The following RAB28 variants were observed in gnomAD, a reference collection of about 807,000 sequenced individuals.
The protein encoded by RAB28 is ras-related protein Rab-28.
Under a neutral mutation model 31.7 loss-of-function variants are expected in RAB28, and 24 were observed. The ratio of observed to expected loss-of-function variants is 0.76; its 90% CI spans 0.55 to 1.06. The LOEUF (loss-of-function observed/expected upper bound fraction) is 1.06, where lower values mean the gene tolerates loss of function less well. RAB28 is among the 50% of genes least tolerant of loss of function. The pLI, the probability that RAB28 is intolerant of heterozygous loss-of-function variation, is 0.00. For synonymous variants in RAB28, 100 were observed against 90.4 expected (o/e 1.11, Z -0.60); for missense variants, 254 against 258.5 (o/e 0.98, Z 0.12).
chr4:13,454,640 G>GA (rs1281921002), intron 4 of RAB28, among the ~76,000 whole-genome samples: 3 of 151,910 alleles, frequency 2.0e-5, no homozygotes, highest in Non-Finnish European at 4.4e-5. Context: ...CCAAGGCTGA[G>GA]AGAGTATGTG....
intron 4 of RAB28, among the ~76,000 whole-genome samples, chr4:13,414,406 G>C (rs994268793): frequency 2.0e-5 from 3 of 152,108 alleles, no homozygotes; most frequent in Non-Finnish European, 2.9e-5. Context: ...CAAACTGACT[G>C]GGAATAAAAG....
intron 1 of RAB28, 78 bp downstream of exon 1, chr4:13,483,998 C>A (rs1218604079): frequency 2.2e-6 from 3 of 1,381,946 alleles, no homozygotes; most frequent in South Asian, 1.3e-5. Context: ...AACGAGGCGA[C>A]GCCGGGCGGC....
intron 6 of RAB28, among the ~76,000 whole-genome samples, chr4:13,369,718 T>C (rs1396872356): frequency 6.6e-6 from 1 of 152,132 alleles, no homozygotes; most frequent in Non-Finnish European, 1.5e-5. Context: ...ACCAATTTTT[T>C]AGTTCTAAAT....
At chr4:13,435,620 C>G (rs1284477604) in intron 4 of RAB28, among the ~76,000 whole-genome samples, 1 of 152,052 alleles carries the variant, frequency 6.6e-6, no homozygotes, top group East Asian at 1.9e-4. Context: ...AACTAGAAAA[C>G]CTAGAGGAAT....
intron 6 of RAB28, among the ~76,000 whole-genome samples, chr4:13,374,319 CTT>C (rs1450646645): frequency 6.6e-6 from 1 of 152,142 alleles, no homozygotes; most frequent in East Asian, 1.9e-4. Context: ...TCTAATATCT[CTT>C]TATTTAAAAC....
At chr4:13,431,847 G>A (rs73819859) in intron 4 of RAB28, among the ~76,000 whole-genome samples, 8,511 of 152,122 alleles carry the variant, frequency 0.056, 545 homozygotes, top group African/African-American at 0.16. Context: ...TACCTCAGAT[G>A]AGAAGGAATC....
chr4:13,462,340 T>C (rs887624128), intron 3 of RAB28, among the ~76,000 whole-genome samples: 3 of 152,184 alleles, frequency 2.0e-5, no homozygotes, highest in South Asian at 4.1e-4. Context: ...ATTTCCACCA[T>C]ATAGATACAG....
At chr4:13,460,037 T>G in intron 4 of RAB28, 4 of 534,754 alleles carry the variant, frequency 7.5e-6, no homozygotes, top group Non-Finnish European at 1.2e-5. Flanking sequence ...ATTGAAAAGA[T>G]TGTACACACT....
At chr4:13,464,294 C>A (rs909553267) in intron 3 of RAB28, among the ~76,000 whole-genome samples, 3 of 152,014 alleles carry the variant, frequency 2.0e-5, no homozygotes, top group African/African-American at 7.2e-5. Context: ...AAAAAAGTAA[C>A]CATTGTGAAA....
chr4:13,473,795 TAG>T, intron 3 of RAB28: 1 of 356,424 alleles, frequency 2.8e-6, no homozygotes, highest in Non-Finnish European at 5.5e-6. Flanking sequence ...AGCATTATCA[TAG>T]TAAATTATTG....
At chr4:13,394,489 T>C (rs923629302) in intron 4 of RAB28, among the ~76,000 whole-genome samples, 2 of 152,136 alleles carry the variant, frequency 1.3e-5, no homozygotes, top group South Asian at 2.1e-4. Flanking sequence ...TCCTGCTGTA[T>C]GGCTGGGTTC....
chr4:13,431,465 A>AT (rs1004497140), intron 4 of RAB28, among the ~76,000 whole-genome samples: 26 of 152,272 alleles, frequency 1.7e-4, no homozygotes, highest in East Asian at 1.2e-3. Context: ...GCCAGCTCTT[A>AT]TTTTTAAGCG....
At chr4:13,376,727 A>G in intron 5 of RAB28, 105 bp from the exon 6 acceptor site, 1 of 628,280 alleles carries the variant, frequency 1.6e-6, no homozygotes, top group Non-Finnish European at 2.7e-6. Flanking sequence ...AATTGCAAAA[A>G]TATGATATAG....
intron 3 of RAB28, among the ~76,000 whole-genome samples, chr4:13,465,884 A>G (rs1429638930): frequency 1.3e-5 from 2 of 151,848 alleles, no homozygotes; most frequent in Non-Finnish European, 2.9e-5. Flanking sequence ...ACATTAACCA[A>G]CAGAACATAA....
At chr4:13,398,848 T>C (rs1441281651) in intron 4 of RAB28, among the ~76,000 whole-genome samples, 2 of 152,218 alleles carry the variant, frequency 1.3e-5, no homozygotes, top group Middle Eastern at 3.4e-3. Context: ...CTTTATATTT[T>C]CCCATTACCA....
chr4:13,478,207 A>G (rs1435534730), intron 2 of RAB28, among the ~76,000 whole-genome samples: 1 of 151,678 alleles, frequency 6.6e-6, no homozygotes, highest in Non-Finnish European at 1.5e-5. Context: ...AGTGAGAATA[A>G]TAAAATTAAA....
chr4:13,457,895 A>C (rs1715381967), intron 4 of RAB28, among the ~76,000 whole-genome samples: 1 of 152,172 alleles, frequency 6.6e-6, no homozygotes. Context: ...AAAAAAATTA[A>C]AACAAATCAT....
chr4:13,392,774 A>G (rs1000025006), intron 4 of RAB28, among the ~76,000 whole-genome samples: 1 of 152,208 alleles, frequency 6.6e-6, no homozygotes, highest in Non-Finnish European at 1.5e-5. Context: ...AATGATAAGT[A>G]TGTGAGGAAA....
At chr4:13,411,919 A>C (rs1712461086) in intron 4 of RAB28, among the ~76,000 whole-genome samples, 1 of 151,992 alleles carries the variant, frequency 6.6e-6, no homozygotes, top group Non-Finnish European at 1.5e-5. Context: ...AAAAAACACA[A>C]GGCTTTTATC....
Sources: gnomAD v4.1 joint callset for allele counts (sites outside exome capture counted in the v4.1 genomes callset) on GRCh38, gnomAD v4.1.1 for gene constraint, MANE v1.5 for transcripts, NCBI Gene and HGNC (gene_info 2026-07-23, HGNC 2026-07-21) for gene names.